Variants in ITGA9 observed in about 807,000 individuals in gnomAD.
ITGA9 encodes integrin alpha-9.
In ITGA9, 56 loss-of-function variants were observed where a neutral mutation model predicts 127.8. That is an observed-to-expected ratio of 0.44 (90% CI 0.35 to 0.55). The LOEUF (loss-of-function observed/expected upper bound fraction) is 0.55, where lower values mean the gene tolerates loss of function less well. ITGA9 is among the 20% of genes least tolerant of loss of function. The pLI, the probability that ITGA9 is intolerant of heterozygous loss-of-function variation, is 0.00. For missense variants in ITGA9, 1,196 were observed against 1,347.1 expected (o/e 0.89, Z 1.76); for synonymous variants, 508 against 514.5 (o/e 0.99, Z 0.17).
chr3:37,508,343 G>A (rs1317017827), intron 7 of ITGA9, among the ~76,000 whole-genome samples: 1 of 152,204 alleles, frequency 6.6e-6, no homozygotes, highest in African/African-American at 2.4e-5. Context: ...TGGTTCAGGA[G>A]CAGTGGAGGT....
chr3:37,460,240 A>G (rs368834380), intron 1 of ITGA9, among the ~76,000 whole-genome samples: 3 of 152,206 alleles, frequency 2.0e-5, no homozygotes, highest in South Asian at 4.1e-4. Context: ...ACCCACACAG[A>G]GTCAAACTTC....
chr3:37,747,085 CTT>C (rs1696510172), intron 22 of ITGA9, among the ~76,000 whole-genome samples: 1 of 152,158 alleles, frequency 6.6e-6, no homozygotes, highest in Non-Finnish European at 1.5e-5. Flanking sequence ...ATTGACAAAA[CTT>C]ATATATTTTA....
chr3:37,649,386 G>T (rs1029444204), intron 16 of ITGA9, among the ~76,000 whole-genome samples: 4 of 152,018 alleles, frequency 2.6e-5, no homozygotes, highest in African/African-American at 9.7e-5. Flanking sequence ...GATGGAAAAA[G>T]GTAGTCCATG....
intron 12 of ITGA9, among the ~76,000 whole-genome samples, chr3:37,525,279 G>A (rs1346906578): frequency 1.3e-5 from 2 of 152,130 alleles, no homozygotes; most frequent in African/African-American, 4.8e-5. Context: ...TGAATTTACT[G>A]ACTTAAATAT....
chr3:37,572,002 G>A (rs1699606583), intron 15 of ITGA9, among the ~76,000 whole-genome samples: 1 of 151,942 alleles, frequency 6.6e-6, no homozygotes, highest in Non-Finnish European at 1.5e-5. Context: ...GGGGATCATG[G>A]GGATTTTGTA....
chr3:37,738,746 T>G (rs1280487545), intron 20 of ITGA9, among the ~76,000 whole-genome samples: 1 of 152,192 alleles, frequency 6.6e-6, no homozygotes, highest in African/African-American at 2.4e-5. Context: ...TGAGGCAGCC[T>G]GTATGCCTGG....
chr3:37,533,836 T>A (rs537341612), intron 14 of ITGA9, among the ~76,000 whole-genome samples: 2 of 152,196 alleles, frequency 1.3e-5, no homozygotes, highest in African/African-American at 2.4e-5. Context: ...GACAGGACTT[T>A]GGAGGCTCCT....
rs559899782 is a variant in ITGA9, at chr3:37,612,177, C to G, written c.1690-17010C>G. Among the ~76,000 whole-genome samples, 4 of 152,310 alleles carry G rather than the reference C, an allele frequency of 2.6e-5. No individual in the cohort carries two copies. In the South Asian group the frequency reaches 8.3e-4, roughly 32 times the overall value. On this transcript the variant is annotated intron_variant, in intron 15 of 27. Coordinates refer to ENST00000264741, the MANE Select transcript of ITGA9 (RefSeq NM_002207.3). ...GGATGGTCTCTCTCATTAGGCATTA[C>G]TAGTAAGACAAAAGTTCTTAACCAT...
chr3:37,547,148 A>G (rs1699333897), intron 15 of ITGA9, among the ~76,000 whole-genome samples: 1 of 146,940 alleles, frequency 6.8e-6, no homozygotes. Context: ...ACCATGTGTC[A>G]GACACTGTCA....
At chr3:37,765,807 C>T (rs994416330) in intron 23 of ITGA9, among the ~76,000 whole-genome samples, 3 of 152,226 alleles carry the variant, frequency 2.0e-5, no homozygotes, top group African/African-American at 7.2e-5. Context: ...GAGAATAAAT[C>T]AAGCCAGCAG....
At chr3:37,622,928 A>G (rs1291309711) in intron 15 of ITGA9, among the ~76,000 whole-genome samples, 9 of 152,102 alleles carry the variant, frequency 5.9e-5, no homozygotes, top group Admixed American at 2.6e-4. Context: ...AATTATAAAT[A>G]TTATTTATTA....
chr3:37,632,921 A>G (rs1291883950), intron 16 of ITGA9, among the ~76,000 whole-genome samples: 1 of 152,236 alleles, frequency 6.6e-6, no homozygotes, highest in Non-Finnish European at 1.5e-5. Context: ...CACTTTTCAG[A>G]TAAGCAAGAA....
chr3:37,504,246 C>T (rs979012343), intron 6 of ITGA9, among the ~76,000 whole-genome samples: 3 of 152,184 alleles, frequency 2.0e-5, no homozygotes, highest in African/African-American at 7.2e-5. Context: ...AAGCATTTAC[C>T]CTATGCCAGG....
chr3:37,570,210 C>T (rs1699587324), intron 15 of ITGA9, among the ~76,000 whole-genome samples: 1 of 152,262 alleles, frequency 6.6e-6, no homozygotes, highest in Admixed American at 6.5e-5. Context: ...GGATGCACCT[C>T]TCAAGTGGTT....
At chr3:37,751,732 C>A (rs964051730) in intron 23 of ITGA9, among the ~76,000 whole-genome samples, 19 of 152,200 alleles carry the variant, frequency 1.2e-4, no homozygotes, top group Non-Finnish European at 1.5e-5. Flanking sequence ...GGCTATCGTT[C>A]TGGCTGAGTG....
At chr3:37,748,697 G>C in intron 22 of ITGA9, 1 of 544,468 alleles carries the variant, frequency 1.8e-6, no homozygotes, top group Non-Finnish European at 3.2e-6. Context: ...GCAGTGAGCC[G>C]AGGTTGGCCC....
chr3:37,602,196 A>G (rs1185148425), intron 15 of ITGA9, among the ~76,000 whole-genome samples: 2 of 151,284 alleles, frequency 1.3e-5, no homozygotes, highest in Non-Finnish European at 2.9e-5. Context: ...AGCAATTAGA[A>G]TCTTAAAATC....
chr3:37,688,015 G>T (rs961905959), intron 18 of ITGA9, among the ~76,000 whole-genome samples: 1 of 152,220 alleles, frequency 6.6e-6, no homozygotes, highest in Non-Finnish European at 1.5e-5. Flanking sequence ...TTCACTCCAG[G>T]ATGAGGAAGC....
chr3:37,821,843 T>A lies in ITGA9; in HGVS notation c.*2854T>A, dbSNP rs1006404906. The stretch of plus-strand genomic sequence containing the variant: ...CAGCCTTGGCATCACCACCAGCAGA[T>A]ACTGAAAGCCTCCCCAGGAACCTGT... On this transcript the variant is annotated 3_prime_UTR_variant, in exon 28 of 28. Coordinates refer to ENST00000264741, the MANE Select transcript of ITGA9 (RefSeq NM_002207.3). 6.6e-6 allele frequency: 1 copy of A among 152,034 alleles called. No individual in the cohort carries two copies. The allele number at this position is 152,034 out of a possible 1,614,324, so 9.4% of individuals were successfully genotyped here.
Sources: gnomAD v4.1 joint callset for allele counts (sites outside exome capture counted in the v4.1 genomes callset) on GRCh38, gnomAD v4.1.1 for gene constraint, MANE v1.5 for transcripts, NCBI Gene and HGNC (gene_info 2026-07-23, HGNC 2026-07-21) for gene names.